The following TCF7L2 variants were observed in gnomAD, a reference collection of about 807,000 sequenced individuals.
TCF7L2 encodes the protein transcription factor 7 like 2.
In TCF7L2, 23 loss-of-function variants were observed where a neutral mutation model predicts 77.9. The ratio of observed to expected loss-of-function variants is 0.30; its 90% CI spans 0.21 to 0.42. The LOEUF (loss-of-function observed/expected upper bound fraction) is 0.42. Ranked by LOEUF, TCF7L2 falls within the 10% of genes least tolerant of loss-of-function variation. TCF7L2 has a pLI of 1.00. For missense variants in TCF7L2, 654 were observed against 793.1 expected (o/e 0.82, Z 2.11); for synonymous variants, 413 against 340.2 (o/e 1.21, Z -2.36).
chr10:113,042,805 T>C (rs1191404378), intron 5 of TCF7L2, among the ~76,000 whole-genome samples: 1 of 152,186 alleles, frequency 6.6e-6, no homozygotes, highest in African/African-American at 2.4e-5. Context: ...AAACCAGCTG[T>C]TCTTTGGCTG....
intron 5 of TCF7L2, among the ~76,000 whole-genome samples, chr10:113,120,470 G>A (rs528008489): frequency 6.6e-6 from 1 of 152,286 alleles, no homozygotes; most frequent in South Asian, 2.1e-4. Flanking sequence ...GTATCTTGTA[G>A]TACTAATAAT....
intron 4 of TCF7L2, among the ~76,000 whole-genome samples, chr10:112,983,145 T>G (rs80205963): frequency 4.6e-5 from 7 of 151,788 alleles, no homozygotes; most frequent in Non-Finnish European, 1.0e-4. Flanking sequence ...GTTTTTTTTT[T>G]GTCAGATTTC....
chr10:112,978,597 G>A (rs139327747), intron 4 of TCF7L2, among the ~76,000 whole-genome samples: 1,743 of 150,400 alleles, frequency 0.012, 28 homozygotes, highest in African/African-American at 0.04. Context: ...CTCCCGAGTA[G>A]CTGGGACTAC....
intron 12 of TCF7L2, 151 bp downstream of exon 14, chr10:113,160,143 G>A (rs1237890714): frequency 4.4e-6 from 3 of 682,800 alleles, no homozygotes; most frequent in East Asian, 5.6e-5. Context: ...GGTTCTATGA[G>A]GGATGTGCTT....
intron 4 of TCF7L2, among the ~76,000 whole-genome samples, chr10:113,011,489 CT>C: frequency 6.6e-6 from 1 of 152,306 alleles, no homozygotes; most frequent in East Asian, 1.9e-4. Flanking sequence ...CCTTGCATTT[CT>C]GTAAGCCCTT....
At chr10:113,106,161 A>G (rs1371703429) in intron 5 of TCF7L2, among the ~76,000 whole-genome samples, 1 of 152,148 alleles carries the variant, frequency 6.6e-6, no homozygotes, top group Non-Finnish European at 1.5e-5. Context: ...ACAGACCCCA[A>G]CCAGAGTAAT....
intron 4 of TCF7L2, among the ~76,000 whole-genome samples, chr10:113,031,107 G>A (rs981519517): frequency 2.6e-5 from 4 of 152,180 alleles, no homozygotes; most frequent in Admixed American, 6.5e-5. Flanking sequence ...AAAGTCCTGC[G>A]TTCTGGTTTC....
intron 4 of TCF7L2, among the ~76,000 whole-genome samples, chr10:113,034,644 C>A (rs1464448771): frequency 6.6e-6 from 1 of 152,070 alleles, no homozygotes; most frequent in African/African-American, 2.4e-5. Flanking sequence ...ACCTGTAATC[C>A]CAGCACTTTG....
At chr10:113,031,534 C>CTGGAG (rs1349896872) in intron 4 of TCF7L2, among the ~76,000 whole-genome samples, 1 of 147,378 alleles carries the variant, frequency 6.8e-6, no homozygotes, top group East Asian at 2.0e-4. Flanking sequence ...GTTGCCCAAG[C>CTGGAG]TGGAGTGCAG....
chr10:113,062,808 TC>T (rs2056682330), intron 5 of TCF7L2, among the ~76,000 whole-genome samples: 1 of 152,118 alleles, frequency 6.6e-6, no homozygotes, highest in Non-Finnish European at 1.5e-5. Context: ...CAAGGGAGAC[TC>T]CAGGGTCTTA....
At chr10:113,117,974 G>A (rs570275891) in intron 5 of TCF7L2, among the ~76,000 whole-genome samples, 18 of 121,638 alleles carry the variant, frequency 1.5e-4, no homozygotes, top group African/African-American at 5.8e-4. Flanking sequence ...CCCACCCCCC[G>A]CCCCCATAAA....
At chr10:113,050,603 T>G (rs1294630818) in intron 5 of TCF7L2, among the ~76,000 whole-genome samples, 3 of 152,164 alleles carry the variant, frequency 2.0e-5, no homozygotes, top group African/African-American at 7.2e-5. Flanking sequence ...GGTGAAACTT[T>G]TGGGAGTATT....
At chr10:113,002,478 G>A (rs6585198) in intron 4 of TCF7L2, among the ~76,000 whole-genome samples, 80,582 of 151,950 alleles carry the variant, frequency 0.53, 24,013 homozygotes, top group African/African-American at 0.8. Flanking sequence ...ACAGCCCCCT[G>A]TGACAGGAGT....
At chr10:113,115,343 A>G (rs1397799243) in intron 5 of TCF7L2, among the ~76,000 whole-genome samples, 3 of 152,238 alleles carry the variant, frequency 2.0e-5, no homozygotes, top group Non-Finnish European at 2.9e-5. Context: ...TTCATACCAA[A>G]TATACATTTT....
At chr10:113,146,913 T>C (rs901089515) in intron 8 of TCF7L2, among the ~76,000 whole-genome samples, 47 of 151,074 alleles carry the variant, frequency 3.1e-4, no homozygotes, top group Admixed American at 1.3e-3. Context: ...AAAAAAAACA[T>C]GTGTGTGTGT....
intron 4 of TCF7L2, among the ~76,000 whole-genome samples, chr10:113,002,947 G>A (rs1162734964): frequency 6.6e-6 from 1 of 152,068 alleles, no homozygotes; most frequent in African/African-American, 2.4e-5. Flanking sequence ...AGAGCCTGTG[G>A]TGTTCTGTGC....
chr10:112,996,985 G>A (rs147559019), intron 4 of TCF7L2, among the ~76,000 whole-genome samples: 124 of 152,354 alleles, frequency 8.1e-4, no homozygotes, highest in African/African-American at 2.7e-3. Context: ...TGTTGGTGTG[G>A]TGAGGAGCTG....
intron 4 of TCF7L2, among the ~76,000 whole-genome samples, chr10:112,984,582 C>G (rs544624399): frequency 6.6e-6 from 1 of 151,862 alleles, no homozygotes; most frequent in East Asian, 1.9e-4. Flanking sequence ...AAAATTAATA[C>G]CAACAATAAA....
intron 4 of TCF7L2, among the ~76,000 whole-genome samples, chr10:113,007,242 G>T (rs1298228318): frequency 3.3e-5 from 5 of 152,146 alleles, no homozygotes; most frequent in Non-Finnish European, 5.9e-5. Flanking sequence ...CTTTCGTTCT[G>T]GGGGGTTCTG....
Sources: gnomAD v4.1 joint callset for allele counts (sites outside exome capture counted in the v4.1 genomes callset) on GRCh38, gnomAD v4.1.1 for gene constraint, MANE v1.5 for transcripts, NCBI Gene and HGNC (gene_info 2026-07-23, HGNC 2026-07-21) for gene names.